The following CELF5 variants were observed in gnomAD, a reference collection of about 807,000 sequenced individuals.
The protein encoded by CELF5 is CUG-BP and ETR-3 like factor 5.
A neutral mutation model predicts 54.9 loss-of-function variants in CELF5; 6 were observed. That is an observed-to-expected ratio of 0.11 (90% CI 0.06 to 0.22). The LOEUF (loss-of-function observed/expected upper bound fraction) is 0.22, where lower values mean the gene tolerates loss of function less well. CELF5 is among the 10% of genes least tolerant of loss of function. The pLI, the probability that CELF5 is intolerant of heterozygous loss-of-function variation, is 1.00. For missense variants in CELF5, 401 were observed against 678.6 expected (o/e 0.59, Z 4.54); for synonymous variants, 271 against 290.9 (o/e 0.93, Z 0.70).
chr19:3,283,896 C>T (rs915289164), intron 8 of CELF5, among the ~76,000 whole-genome samples: 4 of 151,966 alleles, frequency 2.6e-5, no homozygotes, highest in Non-Finnish European at 5.9e-5. Flanking sequence ...GATCATAGCT[C>T]GCTGCAGCCT....
At chr19:3,235,054 C>T (rs1296971194) in intron 1 of CELF5, among the ~76,000 whole-genome samples, 1 of 152,124 alleles carries the variant, frequency 6.6e-6, no homozygotes, top group African/African-American at 2.4e-5. Context: ...TCATACCATC[C>T]CCTGCCCCCT....
At chr19:3,246,117 A>G (rs1341764653) in intron 1 of CELF5, among the ~76,000 whole-genome samples, 1 of 152,210 alleles carries the variant, frequency 6.6e-6, no homozygotes, top group Non-Finnish European at 1.5e-5. Context: ...TAATCCCAGC[A>G]ATTTGGGAGG....
rs118158141 is a variant in CELF5 at position 3,268,771 on chromosome 19, G to A, written c.343-5101G>A. On this transcript the variant is annotated intron_variant, in intron 2 of 12. Coordinates refer to ENST00000292672, the MANE Select transcript of CELF5 (RefSeq NM_021938.4). This position sits in a 1 kb window ranked among gnomAD's most constrained non-coding sequence, Gnocchi z 4.4. Reference sequence around the variant, plus strand: ...TTAGTGGGGAGGGGTCGTAATCAAGGTAATGCCTGGGCAAGACAATGGAAG... The same window carrying A: ...TTAGTGGGGAGGGGTCGTAATCAAGATAATGCCTGGGCAAGACAATGGAAG... Among the ~76,000 whole-genome samples the A allele has an allele frequency of 1.3e-3, 196 of 152,212 alleles. No individual in the cohort carries two copies. The East Asian group carries it at 0.032, about 25-fold the overall frequency.
chr19:3,259,446 G>A (rs925334655), intron 2 of CELF5, among the ~76,000 whole-genome samples: 17 of 122,960 alleles, frequency 1.4e-4, no homozygotes, highest in African/African-American at 4.2e-4. Context: ...CACAGTGCCC[G>A]GGGGAGAGAT....
rs1418475717 is a variant in CELF5 at position 3,293,482 on chromosome 19, C to T, written c.*36C>T. The T allele has an allele frequency of 1.9e-6, 3 of 1,603,626 alleles. No homozygotes were observed. The highest frequency in any genetic ancestry group is 2.6e-6 in the Non-Finnish European group (3 of 1,173,620). On this transcript the variant is annotated 3_prime_UTR_variant, in exon 12 of 13. Transcript: ENST00000292672. Reference sequence around the variant, plus strand: ...AGCCGCCCTGAGGCTGTAGGCATGGCCCAGGTGAGCCGCCAGGCGGCCCCA... The same window carrying T: ...AGCCGCCCTGAGGCTGTAGGCATGGTCCAGGTGAGCCGCCAGGCGGCCCCA...
intron 1 of CELF5, among the ~76,000 whole-genome samples, chr19:3,233,574 A>G (rs1187840607): frequency 1.3e-5 from 2 of 152,188 alleles, no homozygotes; most frequent in African/African-American, 4.8e-5. Flanking sequence ...ACCAAGGGAA[A>G]GGCGTTCCAG....
intron 2 of CELF5, among the ~76,000 whole-genome samples, chr19:3,263,246 C>CTAG (rs2079831212): frequency 2.2e-5 from 1 of 45,056 alleles, no homozygotes; most frequent in Non-Finnish European, 4.4e-5. Context: ...GATTCTGTCT[C>CTAG]AAAAAAAAAA....
chr19:3,250,707 C>T (rs1293430479), intron 1 of CELF5, among the ~76,000 whole-genome samples: 32 of 152,074 alleles, frequency 2.1e-4, no homozygotes, highest in Admixed American at 2.1e-3. Context: ...TAGGGACCTC[C>T]TAGGAGTGGA....
chr19:3,274,059 A>G (rs1738858183), intron 3 of CELF5, 136 bp downstream of exon 3: 3 of 828,112 alleles, frequency 3.6e-6, no homozygotes, highest in South Asian at 3.1e-5. Context: ...TCCCTGCCCC[A>G]AAGCATGCAG....
Position 3,282,427 on chromosome 19 carries a change from G to A in CELF5, c.968G>A (p.Gly323Asp). The change falls in exon 8 of 13, where the codon GGT (glycine) becomes GAT (aspartate). Residue 323 changes from glycine to aspartate, a missense_variant. By Grantham distance (94) the Gly-to-Asp change is moderately conservative. Transcript: ENST00000292672. This position sits in a 1 kb window ranked among gnomAD's most constrained non-coding sequence, Gnocchi z 5.2. The part of the protein sequence containing the change: ...LVAPITNGFA[G>D]VVPFPGGHPA... ...GCTCCCATCACCAATGGCTTTGCAG[G>A]TGTCGTGCCCTTTCCAGGTGGGCAC... 6.2e-7 allele frequency: 1 copy of A among 1,613,480 alleles called. No individual in the cohort carries two copies. Among genetic ancestry groups the A allele is most frequent in the East Asian group, 2.2e-5 (1 of 44,888 alleles).
Position 3,278,291 on chromosome 19 carries a change from AC to A in CELF5, c.603+182del, listed in dbSNP as rs1733632707. Among the ~76,000 whole-genome samples, 1 of 152,090 alleles carries A rather than the reference AC, an allele frequency of 6.6e-6. No individual in the cohort carries two copies. The highest frequency in any genetic ancestry group is 1.5e-5 in the Non-Finnish European group (1 of 68,016). Reference sequence around the variant, plus strand: ...GCTGTGGTCCCTGGAGTGGGTATACACGTGTGAGTGTGTGCAGATGTGGAGG... The same window carrying A: ...GCTGTGGTCCCTGGAGTGGGTATACAGTGTGAGTGTGTGCAGATGTGGAGG... On this transcript the variant is annotated intron_variant, in intron 5 of 12. Coordinates refer to ENST00000292672, the MANE Select transcript of CELF5 (RefSeq NM_021938.4). This position sits in a 1 kb window ranked among gnomAD's most constrained non-coding sequence, Gnocchi z 4.5.
At chr19:3,271,492 G>C (rs533625943) in intron 2 of CELF5, among the ~76,000 whole-genome samples, 1 of 152,180 alleles carries the variant, frequency 6.6e-6, no homozygotes, top group Non-Finnish European at 1.5e-5. Flanking sequence ...CGGCAGGAAG[G>C]TTGGGCTGGG....
intron 12 of CELF5, chr19:3,295,101 C>T (rs1394314959): frequency 1.3e-5 from 2 of 152,348 alleles, no homozygotes; most frequent in Non-Finnish European, 2.9e-5. Flanking sequence ...CAGGACTTAC[C>T]CATAAATTCC....
At chr19:3,287,085 A>G (rs547463445) in intron 10 of CELF5, among the ~76,000 whole-genome samples, 1 of 152,012 alleles carries the variant, frequency 6.6e-6, no homozygotes, top group East Asian at 1.9e-4. Context: ...CAAGCTGGTA[A>G]CAACCCAAGT....
chr19:3,227,265 G>C (rs1916978448), intron 1 of CELF5, among the ~76,000 whole-genome samples: 1 of 152,198 alleles, frequency 6.6e-6, no homozygotes, highest in Non-Finnish European at 1.5e-5. Flanking sequence ...GCTCAGCTGT[G>C]TGACTTCTGG....
intron 2 of CELF5, among the ~76,000 whole-genome samples, chr19:3,256,111 A>G (rs1385825623): frequency 6.6e-6 from 1 of 151,670 alleles, no homozygotes; most frequent in Non-Finnish European, 1.5e-5. Flanking sequence ...TGGAGGTGTT[A>G]AGCCTTTATA....
At chr19:3,237,111 G>A (rs1917646008) in intron 1 of CELF5, among the ~76,000 whole-genome samples, 1 of 151,346 alleles carries the variant, frequency 6.6e-6, no homozygotes, top group African/African-American at 2.4e-5. Flanking sequence ...AGGAGATCGA[G>A]ACCATCCTGG....
rs543221302 is a variant in CELF5 at position 3,265,834 on chromosome 19, TCTCA to T, written c.343-8034_343-8031del. Among the ~76,000 whole-genome samples, 12 of 152,032 alleles carry T rather than the reference TCTCA, an allele frequency of 7.9e-5. No individual in the cohort carries two copies. In the East Asian group the frequency reaches 2.3e-3, roughly 29 times the overall value. On this transcript the variant is annotated intron_variant, in intron 2 of 12. Coordinates refer to ENST00000292672, the MANE Select transcript of CELF5 (RefSeq NM_021938.4). ...TTTCTTTCTTTTTTTTGAGATGGAG[TCTCA>T]CTCTGTCATCCAGGCCAGAGTGTGA...
chr19:3,285,277 A>G (rs1006142294), intron 9 of CELF5, among the ~76,000 whole-genome samples: 5 of 151,260 alleles, frequency 3.3e-5, no homozygotes, highest in East Asian at 1.9e-4. Flanking sequence ...CCACGTCTCT[A>G]GCTCTGACCC....
Sources: gnomAD v4.1 joint callset for allele counts (sites outside exome capture counted in the v4.1 genomes callset) on GRCh38, gnomAD v4.1.1 for gene constraint, Gnocchi (gnomAD v3.1) non-coding constraint, MANE v1.5 for transcripts, NCBI Gene and HGNC (gene_info 2026-07-23, HGNC 2026-07-21) for gene names.